The following SEPTIN9 variants were observed in gnomAD, a reference collection of about 807,000 sequenced individuals.
SEPTIN9 encodes septin 9, also known as septin-9.
Under a neutral mutation model 56.6 loss-of-function variants are expected in SEPTIN9, and 13 were observed. The observed-to-expected ratio is 0.23, with a 90% CI of 0.15 to 0.37. The LOEUF (loss-of-function observed/expected upper bound fraction) is 0.37. Ranked by LOEUF, SEPTIN9 falls within the 10% of genes least tolerant of loss-of-function variation. The pLI is 1.00. For synonymous variants in SEPTIN9, 332 were observed against 334.1 expected, an observed-to-expected ratio of 0.99 and a Z score of 0.07; for missense variants, 650 against 823.1, an observed-to-expected ratio of 0.79 and a Z score of 2.57.
At chr17:77,294,937 C>T (rs1185438221) in intron 1 of SEPTIN9, 1 of 152,198 alleles carries the variant, frequency 6.6e-6, no homozygotes, top group Non-Finnish European at 1.5e-5. Context: ...AATCCGTTTC[C>T]ACACCGGGAT....
At chr17:77,368,193 A>G (rs56947222) in intron 2 of SEPTIN9, among the ~76,000 whole-genome samples, 2,415 of 152,348 alleles carry the variant, frequency 0.016, 54 homozygotes, top group African/African-American at 0.052. Context: ...ACAGAGTTTC[A>G]GTTTGGGAAG....
At position 77,318,756 on chromosome 17, in the gene SEPTIN9, T is replaced by C. The variant is rs374530858; in HGVS notation, c.76+11559T>C. The stretch of plus-strand genomic sequence containing the variant: ...CCCAGGCAGAGAGCGGACGGGACTG[T>C]GGCCTGAAGTGGCACTTCAGGGCCT... On this transcript the variant is annotated intron_variant, in intron 2 of 11. Transcript: ENST00000427177. This position sits in a 1 kb window ranked among gnomAD's most constrained non-coding sequence, Gnocchi z 4.9. 7.8e-4 allele frequency among the ~76,000 whole-genome samples: 119 copies of C among 152,258 alleles called. No individual in the cohort carries two copies. Among genetic ancestry groups the C allele is most frequent in the African/African-American group, 2.6e-3 (110 of 41,546 alleles).
rs1463619654 is a variant in SEPTIN9 at position 77,329,759 on chromosome 17, C to CT, written c.76+22563dup. Among the ~76,000 whole-genome samples the CT allele has an allele frequency of 6.6e-6, 1 of 152,160 alleles. No individual in the cohort carries two copies. Among genetic ancestry groups the CT allele is most frequent in the Non-Finnish European group, 1.5e-5 (1 of 68,002 alleles). On this transcript the variant is annotated intron_variant, in intron 2 of 11. Transcript: ENST00000427177. The surrounding 1 kb of genome is among the most constrained non-coding windows in gnomAD (Gnocchi z 4.3). ...CATCCTTCAGGTTTCTTCCCAGCCTCTGACTCGGGGCAAGGTTCAGATATC... is the reference window on the plus strand; with the variant it reads ...CATCCTTCAGGTTTCTTCCCAGCCTCTTGACTCGGGGCAAGGTTCAGATATC...
At chr17:77,284,977 G>A (rs915535457) in intron 1 of SEPTIN9, among the ~76,000 whole-genome samples, 1 of 152,166 alleles carries the variant, frequency 6.6e-6, no homozygotes, top group East Asian at 1.9e-4. Flanking sequence ...AAGGTTAAAC[G>A]AGTTCATATT....
chr17:77,413,877 T>C (rs1025722989), intron 3 of SEPTIN9, among the ~76,000 whole-genome samples: 10 of 151,298 alleles, frequency 6.6e-5, no homozygotes, highest in African/African-American at 2.4e-4. Context: ...GATGTATTAA[T>C]GAAACCAAAT....
At position 77,488,245 on chromosome 17, in the gene SEPTIN9, G is replaced by A; in HGVS notation, c.1048G>A (p.Glu350Lys). The A allele has an allele frequency of 6.2e-7, 1 of 1,613,778 alleles. No homozygotes were observed. Among genetic ancestry groups the A allele is most frequent in the Non-Finnish European group, 8.5e-7 (1 of 1,179,834 alleles). Residue 350 changes from glutamate to lysine, a missense_variant, in exon 6 of 12, where the codon GAG becomes AAG. Coordinates refer to ENST00000427177, the MANE Select transcript of SEPTIN9 (RefSeq NM_001113491.2). ...GCGTCCGTGGCTCTGTGCAGATATTGAGGAGAAAGGCGTCCGGATGAAGCT... is the reference window on the plus strand; with the variant it reads ...GCGTCCGTGGCTCTGTGCAGATATTAAGGAGAAAGGCGTCCGGATGAAGCT... ...IEIKSITHDI[E>K]EKGVRMKLTV...
At chr17:77,459,404 GAT>G (rs2038359052) in intron 3 of SEPTIN9, among the ~76,000 whole-genome samples, 1 of 152,212 alleles carries the variant, frequency 6.6e-6, no homozygotes. Flanking sequence ...AAGGCGCTGA[GAT>G]GCGGCTGTGG....
At chr17:77,320,708 G>A (rs1304395898) in intron 2 of SEPTIN9, among the ~76,000 whole-genome samples, 1 of 152,236 alleles carries the variant, frequency 6.6e-6, no homozygotes, top group Non-Finnish European at 1.5e-5. Context: ...GCGGCGCTTG[G>A]ACCTGGCTGG....
At position 77,329,899 on chromosome 17, in the gene SEPTIN9, G is replaced by A. The variant is rs565656269; in HGVS notation, c.76+22702G>A. Among the ~76,000 whole-genome samples, 16 of 152,318 alleles carry A rather than the reference G, an allele frequency of 1.1e-4. No individual in the cohort carries two copies. The highest frequency in any genetic ancestry group is 3.9e-4 in the African/African-American group (16 of 41,556). On this transcript the variant is annotated intron_variant, in intron 2 of 11. Transcript: ENST00000427177. This position sits in a 1 kb window ranked among gnomAD's most constrained non-coding sequence, Gnocchi z 4.3. ...CACCATCCCTGGGAGGGGTGAGCAG[G>A]ACAAGTGAGGTCTCCAGACTTGGGG...
chr17:77,291,428 T>C (rs2143515668), intron 1 of SEPTIN9, among the ~76,000 whole-genome samples: 1 of 151,126 alleles, frequency 6.6e-6, no homozygotes, highest in South Asian at 2.1e-4. Flanking sequence ...AGGTCGGGAG[T>C]TCGAGACCAG....
At position 77,477,877 on chromosome 17, in the gene SEPTIN9, T is replaced by TA. The variant is rs539510051; in HGVS notation, c.722-4267_722-4266insA. Among the ~76,000 whole-genome samples, 176 of 152,234 alleles carry TA rather than the reference T, an allele frequency of 1.2e-3. 4 individuals are homozygous for TA. In the South Asian group the frequency reaches 0.013, roughly 11 times the overall value. ...CGACGTGGGTACTGCTGATAATTAG[T>TA]CTGGATACCCGAAAGAATGGAAAGC... On this transcript the variant is annotated intron_variant, in intron 3 of 11. Transcript: ENST00000427177.
intron 1 of SEPTIN9, among the ~76,000 whole-genome samples, chr17:77,304,645 C>T (rs193290467): frequency 9.9e-5 from 15 of 152,262 alleles, no homozygotes; most frequent in Non-Finnish European, 1.6e-4. Context: ...TCCTCAGGAA[C>T]GTGTGTCCTG....
At position 77,425,127 on chromosome 17, in the gene SEPTIN9, G is replaced by A. The variant is rs1426722899; in HGVS notation, c.721+22424G>A. 4.6e-5 allele frequency among the ~76,000 whole-genome samples: 7 copies of A among 152,298 alleles called. No individual in the cohort carries two copies. The East Asian group carries it at 5.8e-4, about 13-fold the overall frequency. On this transcript the variant is annotated intron_variant, in intron 3 of 11. Coordinates refer to ENST00000427177, the MANE Select transcript of SEPTIN9 (RefSeq NM_001113491.2). This position sits in a 1 kb window ranked among gnomAD's most constrained non-coding sequence, Gnocchi z 4.2. Reference sequence around the variant, plus strand: ...CCCCACCCCCGGGGCTGTTCCTGGCGCCCTGCCCTCCCCCAGAGCCCCACT... The same window carrying A: ...CCCCACCCCCGGGGCTGTTCCTGGCACCCTGCCCTCCCCCAGAGCCCCACT...
At chr17:77,377,903 G>T (rs1357227051) in intron 2 of SEPTIN9, among the ~76,000 whole-genome samples, 2 of 152,208 alleles carry the variant, frequency 1.3e-5, no homozygotes, top group African/African-American at 4.8e-5. Context: ...GTGGTGGGAG[G>T]CAGGAGCCAT....
chr17:77,304,562 C>A (rs1393195477), intron 1 of SEPTIN9, among the ~76,000 whole-genome samples: 1 of 152,100 alleles, frequency 6.6e-6, no homozygotes, highest in African/African-American at 2.4e-5. Context: ...GTCCATCTGG[C>A]CCAGGGAGGA....
chr17:77,312,906 T>C (rs1197615045), intron 2 of SEPTIN9, among the ~76,000 whole-genome samples: 1 of 152,202 alleles, frequency 6.6e-6, no homozygotes, highest in African/African-American at 2.4e-5. Flanking sequence ...CCCTTCCACA[T>C]TGCAAGCGTT....
At chr17:77,332,864 T>C (rs900562392) in intron 2 of SEPTIN9, among the ~76,000 whole-genome samples, 4 of 152,222 alleles carry the variant, frequency 2.6e-5, no homozygotes, top group African/African-American at 9.6e-5. Context: ...TTTTAGTCAT[T>C]CTCTTGTTGA....
chr17:77,365,519 C>T (rs911576365), intron 2 of SEPTIN9, among the ~76,000 whole-genome samples: 1 of 152,142 alleles, frequency 6.6e-6, no homozygotes, highest in African/African-American at 2.4e-5. Flanking sequence ...GTACTGAGCT[C>T]CCTGTAACTG....
intron 2 of SEPTIN9, among the ~76,000 whole-genome samples, chr17:77,351,445 G>A (rs765006001): frequency 4.6e-5 from 7 of 152,234 alleles, no homozygotes; most frequent in Non-Finnish European, 1.0e-4. Context: ...TTTGCCTATG[G>A]CACTGGGGAC....
Sources: gnomAD v4.1 joint callset for allele counts (sites outside exome capture counted in the v4.1 genomes callset) on GRCh38, gnomAD v4.1.1 for gene constraint, Gnocchi (gnomAD v3.1) non-coding constraint, MANE v1.5 for transcripts, NCBI Gene and HGNC (gene_info 2026-07-23, HGNC 2026-07-21) for gene names.